CERT1: variants seen among roughly 807,000 people sequenced by gnomAD.
CERT1 encodes the protein ceramide transporter 1, also known as ceramide transfer protein.
CERT1 carries 31 observed loss-of-function variants against 87.9 expected under a neutral mutation model. The ratio of observed to expected loss-of-function variants is 0.35; its 90% confidence interval spans 0.27 to 0.48. The LOEUF (loss-of-function observed/expected upper bound fraction) is 0.48. CERT1 is among the 20% of genes least tolerant of loss of function. CERT1 has a pLI of 0.99. For synonymous variants in CERT1, 289 were observed against 250.9 expected (o/e 1.15, Z -1.44); for missense variants, 487 against 758.0 (o/e 0.64, Z 4.20).
intron 11 of CERT1, among the ~76,000 whole-genome samples, chr5:75,390,342 T>C (rs1489769310): frequency 2.6e-5 from 4 of 152,210 alleles, no homozygotes; most frequent in African/African-American, 9.6e-5. Flanking sequence ...GATTCCAATT[T>C]CTTTGTTCTA....
intron 3 of CERT1, among the ~76,000 whole-genome samples, chr5:75,433,120 T>A (rs1350784709): frequency 6.6e-6 from 1 of 152,216 alleles, no homozygotes; most frequent in African/African-American, 2.4e-5. Flanking sequence ...AGTTTAAAAT[T>A]AGGTAGTGTG....
intron 16 of CERT1, 24 bp from the exon 17 acceptor site, chr5:75,379,497 A>G (rs1580689024): frequency 6.3e-7 from 1 of 1,595,062 alleles, no homozygotes; most frequent in Middle Eastern, 1.7e-4. Context: ...GAAAATTAAA[A>G]TGTATTAAGA....
chr5:75,445,796 C>CA (rs1422040698), intron 3 of CERT1, among the ~76,000 whole-genome samples: 3 of 152,146 alleles, frequency 2.0e-5, no homozygotes, highest in Non-Finnish European at 4.4e-5. Context: ...TGCCTGGCTC[C>CA]ACAAATATAG....
chr5:75,376,212 A>G (rs1761306361), downstream of CERT1: 1 of 152,228 alleles, frequency 6.6e-6, no homozygotes, highest in East Asian at 1.9e-4. Context: ...TTAAAAAATT[A>G]TTCTTCTCAA....
intron 15 of CERT1, 88 bp from the exon 16 acceptor site, chr5:75,381,289 G>T (rs1056663478): frequency 1.4e-6 from 2 of 1,437,434 alleles, no homozygotes; most frequent in East Asian, 4.6e-5. Context: ...AACCAAAATC[G>T]TAACTCTTAA....
intron 1 of CERT1, 69 bp downstream of exon 1, chr5:75,511,043 C>T: frequency 1.4e-6 from 2 of 1,456,002 alleles, no homozygotes; most frequent in South Asian, 1.4e-5. Context: ...CCCCACCCCA[C>T]CGCCTCAGCG....
chr5:75,377,624 C>T (rs1761375117), downstream of CERT1: 1 of 152,148 alleles, frequency 6.6e-6, no homozygotes, highest in African/African-American at 2.4e-5. Flanking sequence ...TTATAGTATG[C>T]TGCTGCTTCT....
intron 2 of CERT1, 32 bp from the exon 3 acceptor site, chr5:75,459,213 A>T: frequency 7.5e-7 from 1 of 1,331,008 alleles, no homozygotes; most frequent in South Asian, 1.2e-5. Flanking sequence ...TGAAAAGCAA[A>T]GCTAATTATA....
At chr5:75,489,000 A>G (rs1766653407) in intron 2 of CERT1, among the ~76,000 whole-genome samples, 2 of 151,904 alleles carry the variant, frequency 1.3e-5, no homozygotes, top group South Asian at 2.1e-4. Flanking sequence ...TTCAAACTAT[A>G]CTACAAGGCT....
Position 75,411,000 on chromosome 5 carries a change from T to C in CERT1, c.930+11A>G. The C allele has an allele frequency of 6.9e-7, 1 of 1,449,028 alleles. No individual in the cohort carries two copies. The highest frequency in any genetic ancestry group is 9.5e-7 in the Non-Finnish European group (1 of 1,050,824). 89.8% of individuals were successfully genotyped at this position (1,449,028 alleles called of 1,614,324 possible). ...TATGTGTTTCTCTAAGATCAAAATA[T>C]AAATTCATACTTCATAATCTGGTCC... On this transcript the variant is annotated intron_variant, in intron 8 of 16. Transcript: ENST00000643780.
At chr5:75,414,940 C>T (rs1763078803) in intron 7 of CERT1, among the ~76,000 whole-genome samples, 1 of 152,036 alleles carries the variant, frequency 6.6e-6, no homozygotes, top group Non-Finnish European at 1.5e-5. Flanking sequence ...TATCATTGTA[C>T]TTTCTTTCTC....
chr5:75,510,107 CAG>C (rs1767859478), intron 1 of CERT1, among the ~76,000 whole-genome samples: 1 of 152,074 alleles, frequency 6.6e-6, no homozygotes, highest in African/African-American at 2.4e-5. Context: ...ATACTGGAAA[CAG>C]GGTGATTTCT....
intron 10 of CERT1, 41 bp downstream of exon 10, chr5:75,400,164 A>C: frequency 3.0e-6 from 4 of 1,328,198 alleles, no homozygotes; most frequent in Non-Finnish European, 4.3e-6. Flanking sequence ...AATGAAGAAC[A>C]ATACAAGGTG....
At chr5:75,451,463 A>G (rs775976377) in intron 3 of CERT1, among the ~76,000 whole-genome samples, 10 of 152,218 alleles carry the variant, frequency 6.6e-5, no homozygotes, top group Non-Finnish European at 1.2e-4. Context: ...CTCTGTCATC[A>G]TCATATGATG....
At chr5:75,483,227 A>C (rs1766337671) in intron 2 of CERT1, among the ~76,000 whole-genome samples, 1 of 152,224 alleles carries the variant, frequency 6.6e-6, no homozygotes, top group African/African-American at 2.4e-5. Context: ...AGAGCTGAAA[A>C]ATCCAATTGA....
At chr5:75,402,810 A>C in intron 9 of CERT1, 162 bp downstream of exon 9, 1 of 513,548 alleles carries the variant, frequency 1.9e-6, no homozygotes, top group East Asian at 3.2e-5. Context: ...AAAAAAAAAA[A>C]AAAAGATTAT....
chr5:75,468,640 A>AT (rs1217533601), intron 2 of CERT1, among the ~76,000 whole-genome samples: 1 of 152,030 alleles, frequency 6.6e-6, no homozygotes, highest in East Asian at 1.9e-4. Context: ...AGGCCTCATG[A>AT]TTTTCAGATG....
intron 2 of CERT1, chr5:75,505,650 T>A (rs968011402): frequency 6.2e-6 from 1 of 160,424 alleles, no homozygotes; most frequent in African/African-American, 2.4e-5. Context: ...GAATGTTACT[T>A]ACAAGATGTA....
At chr5:75,391,731 T>C (rs1762033770) in intron 11 of CERT1, among the ~76,000 whole-genome samples, 1 of 152,254 alleles carries the variant, frequency 6.6e-6, no homozygotes, top group Admixed American at 6.5e-5. Flanking sequence ...GCTTGATTCA[T>C]TTGTCTCTGT....
Sources: allele counts gnomAD v4.1 joint callset (sites outside exome capture counted in the v4.1 genomes callset), GRCh38; gene constraint gnomAD v4.1.1; transcripts MANE v1.5; gene names NCBI Gene and HGNC (gene_info 2026-07-23, HGNC 2026-07-21).